PYGB: variants seen among roughly 807,000 people sequenced by gnomAD.
PYGB encodes the protein glycogen phosphorylase, brain form.
A neutral mutation model predicts 94.3 loss-of-function variants in PYGB; 82 were observed. That is an observed-to-expected ratio of 0.87 (90% CI 0.73 to 1.04). The LOEUF (loss-of-function observed/expected upper bound fraction) is 1.04, where lower values mean the gene tolerates loss of function less well. Ranked by LOEUF, PYGB falls within the 50% of genes least tolerant of loss-of-function variation. PYGB has a pLI of 0.00. For synonymous variants in PYGB, 488 were observed against 479.1 expected (o/e 1.02, Z -0.24); for missense variants, 1,132 against 1,158.2 (o/e 0.98, Z 0.33).
At chr20:25,258,137 T>C (rs1568683491) in intron 1 of PYGB, among the ~76,000 whole-genome samples, 1 of 152,078 alleles carries the variant, frequency 6.6e-6, no homozygotes, top group Non-Finnish European at 1.5e-5. Flanking sequence ...GAGCTATCAT[T>C]TGTGTGTGTG....
At chr20:25,293,141 G>T (rs1163939489) in intron 17 of PYGB, among the ~76,000 whole-genome samples, 1 of 138,414 alleles carries the variant, frequency 7.2e-6, no homozygotes, top group Non-Finnish European at 1.6e-5. Flanking sequence ...GGGGGTGGGG[G>T]AGTGGGGGGG....
intron 4 of PYGB, among the ~76,000 whole-genome samples, chr20:25,274,326 G>T (rs543346751): frequency 6.6e-6 from 1 of 152,210 alleles, no homozygotes. Flanking sequence ...ATCCAGATCG[G>T]AGCATGTGTC....
intron 2 of PYGB, among the ~76,000 whole-genome samples, chr20:25,263,559 GAA>G (rs1223957804): frequency 2.0e-5 from 3 of 152,128 alleles, no homozygotes; most frequent in African/African-American, 7.2e-5. Flanking sequence ...GGAAAAGAGA[GAA>G]GAATCAAATA....
intron 1 of PYGB, among the ~76,000 whole-genome samples, chr20:25,253,392 C>T (rs2092893844): frequency 6.6e-6 from 1 of 152,194 alleles, no homozygotes; most frequent in Non-Finnish European, 1.5e-5. Context: ...TGACTCACAC[C>T]TGTAATCCCA....
intron 2 of PYGB, among the ~76,000 whole-genome samples, chr20:25,263,925 A>G (rs1345696761): frequency 6.6e-6 from 1 of 152,230 alleles, no homozygotes; most frequent in Non-Finnish European, 1.5e-5. Context: ...TCCCTAACTC[A>G]TTTTATGAGT....
At chr20:25,264,286 A>C (rs968879322) in intron 2 of PYGB, among the ~76,000 whole-genome samples, 2 of 152,218 alleles carry the variant, frequency 1.3e-5, no homozygotes, top group Non-Finnish European at 2.9e-5. Context: ...TCAAAATAAT[A>C]AGAGCTATTT....
chr20:25,292,540 G>A lies in PYGB; in HGVS notation c.2104G>A (p.Glu702Lys), dbSNP rs1454773924. 8 of 1,613,314 alleles carry A rather than the reference G, an allele frequency of 5.0e-6. No individual in the cohort carries two copies. Among genetic ancestry groups the A allele is most frequent in the East Asian group, 4.5e-5 (2 of 44,888 alleles). Residue 702 changes from glutamate to lysine, a missense_variant, in exon 17 of 20, where the codon GAG becomes AAG. Glu to Lys is a moderately conservative substitution (Grantham distance 56, BLOSUM62 1). Transcript: ENST00000216962. ...TMDGANVEMA[E>K]EAGAENLFIF... ...GGACGGCGCCAACGTGGAGATGGCC[G>A]AGGAGGCCGGGGCCGAGAACCTCTT...
At chr20:25,280,538 T>G (rs1256440997) in intron 10 of PYGB, 126 bp downstream of exon 10, 60 of 1,328,212 alleles carry the variant, frequency 4.5e-5, no homozygotes, top group Non-Finnish European at 6.0e-5. Flanking sequence ...CAGAGGATGC[T>G]TGGGGCTGGG....
intron 6 of PYGB, 117 bp downstream of exon 6, chr20:25,276,874 C>A: frequency 1.1e-6 from 1 of 895,706 alleles, no homozygotes; most frequent in Non-Finnish European, 1.7e-6. Context: ...GCGCGGCCCT[C>A]CTCTAGGGTG....
At chr20:25,267,418 T>TTA (rs1260567324) in intron 2 of PYGB, among the ~76,000 whole-genome samples, 1 of 152,204 alleles carries the variant, frequency 6.6e-6, no homozygotes, top group African/African-American at 2.4e-5. Flanking sequence ...GGTTAATGAA[T>TTA]TATATCTCAA....
At chr20:25,250,497 A>G (rs139833630) in intron 1 of PYGB, among the ~76,000 whole-genome samples, 195 of 152,348 alleles carry the variant, frequency 1.3e-3, no homozygotes, top group African/African-American at 4.1e-3. Flanking sequence ...GTGTGTAAAT[A>G]AGCTGTGTGC....
At chr20:25,251,543 T>G (rs1369387725) in intron 1 of PYGB, among the ~76,000 whole-genome samples, 1 of 152,172 alleles carries the variant, frequency 6.6e-6, no homozygotes, top group Non-Finnish European at 1.5e-5. Context: ...AAGGTTCACA[T>G]TAGAAGGCCT....
chr20:25,268,584 G>C (rs1401234305), intron 2 of PYGB, among the ~76,000 whole-genome samples: 4 of 152,146 alleles, frequency 2.6e-5, no homozygotes, highest in African/African-American at 9.7e-5. Flanking sequence ...AAGTCTACCA[G>C]TCCAGGTAAT....
intron 1 of PYGB, among the ~76,000 whole-genome samples, chr20:25,258,477 A>G (rs965752611): frequency 6.6e-6 from 1 of 152,260 alleles, no homozygotes; most frequent in Admixed American, 6.5e-5. Flanking sequence ...TTGGCTGTGC[A>G]CATATCCTGT....
intron 5 of PYGB, among the ~76,000 whole-genome samples, chr20:25,275,331 G>A (rs572859104): frequency 2.6e-5 from 4 of 152,362 alleles, no homozygotes; most frequent in African/African-American, 9.6e-5. Context: ...GGCACGCAGA[G>A]GCCACGTGAG....
chr20:25,294,867 T>TTC, intron 18 of PYGB: 1 of 1,321,532 alleles, frequency 7.6e-7, no homozygotes, highest in Non-Finnish European at 1.1e-6. Context: ...AAAAGTTGAA[T>TTC]CCGGCGAGGG....
At chr20:25,295,858 C>A (rs1347511661) in intron 19 of PYGB, among the ~76,000 whole-genome samples, 188 bp downstream of exon 19, 1 of 152,174 alleles carries the variant, frequency 6.6e-6, no homozygotes, top group African/African-American at 2.4e-5. Flanking sequence ...GTCACTCCCT[C>A]CGTTGAAAAA....
intron 1 of PYGB, among the ~76,000 whole-genome samples, chr20:25,258,353 C>T (rs933016268): frequency 2.8e-4 from 42 of 152,358 alleles, no homozygotes; most frequent in African/African-American, 1.0e-3. Context: ...CCACCCCACC[C>T]TCAAGGTGGC....
Position 25,296,620 on chromosome 20 carries a change from T to TCA in PYGB, c.*98_*99insCA. The stretch of plus-strand genomic sequence containing the variant: ...CACTTTGCCAGCCACTGGTGGTCCC[T>TCA]GCTTTTCTGAGTACCATGTTTCCAG... On this transcript the variant is annotated 3_prime_UTR_variant, in exon 20 of 20. Transcript: ENST00000216962. 6.9e-7 allele frequency: 1 copy of TCA among 1,443,510 alleles called. No homozygotes were observed. Among genetic ancestry groups the TCA allele is most frequent in the Non-Finnish European group, 9.3e-7 (1 of 1,074,966 alleles). The allele number at this position is 1,443,510 out of a possible 1,614,324, so 89.4% of individuals were successfully genotyped here.
Sources: allele counts gnomAD v4.1 joint callset (sites outside exome capture counted in the v4.1 genomes callset), GRCh38; gene constraint gnomAD v4.1.1; transcripts MANE v1.5; gene names NCBI Gene and HGNC (gene_info 2026-07-23, HGNC 2026-07-21).